EYA3: variants seen among roughly 807,000 people sequenced by gnomAD.
The protein encoded by EYA3 is protein phosphatase EYA3.
In EYA3, 39 loss-of-function variants were observed where a neutral mutation model predicts 80.0. The observed-to-expected ratio is 0.49, with a 90% CI of 0.38 to 0.64. The LOEUF (loss-of-function observed/expected upper bound fraction) is 0.64. Among genes scored for constraint, EYA3 ranks in the 30% least tolerant of loss-of-function variants. The pLI is 0.00. For missense variants in EYA3, 523 were observed against 676.1 expected, an observed-to-expected ratio of 0.77 and a Z score of 2.51; for synonymous variants, 206 against 232.8, an observed-to-expected ratio of 0.88 and a Z score of 1.05.
At position 27,988,506 on chromosome 1, in the gene EYA3, A is replaced by G. The variant is rs553092634; in HGVS notation, c.1540+29T>C. The G allele has an allele frequency of 1.5e-4, 240 of 1,606,098 alleles. 4 individuals are homozygous for G. The South Asian group carries it at 2.4e-3, about 16-fold the overall frequency. ...GAGTAGAAAGTTTTATTGCAAGGCC[A>G]GTGACAAGAAACAGCATAGAAACCA... On this transcript the variant is annotated intron_variant, in intron 16 of 17. Coordinates refer to ENST00000373871, the MANE Select transcript of EYA3 (RefSeq NM_001990.4).
intron 3 of EYA3, among the ~76,000 whole-genome samples, chr1:28,045,915 A>C (rs1337692383): frequency 6.6e-6 from 1 of 152,224 alleles, no homozygotes; most frequent in Non-Finnish European, 1.5e-5. Context: ...ACAGACATAC[A>C]ATGGAGTATT....
At chr1:28,070,368 T>C (rs1160565768) in intron 1 of EYA3, among the ~76,000 whole-genome samples, 3 of 152,048 alleles carry the variant, frequency 2.0e-5, no homozygotes, top group African/African-American at 7.2e-5. Context: ...GAGACCAGCC[T>C]GGCCAACATG....
chr1:27,982,103 C>A (rs1332252835), intron 16 of EYA3, among the ~76,000 whole-genome samples: 1 of 151,054 alleles, frequency 6.6e-6, no homozygotes, highest in African/African-American at 2.4e-5. Flanking sequence ...GCCTCCCAGG[C>A]GCAAGCAATT....
At chr1:28,073,109 A>C (rs1157846258) in intron 1 of EYA3, among the ~76,000 whole-genome samples, 548 of 43,774 alleles carry the variant, frequency 0.013, 73 homozygotes, top group African/African-American at 0.023. Flanking sequence ...ACTATTATAT[A>C]TATATATATA....
intron 2 of EYA3, among the ~76,000 whole-genome samples, chr1:28,051,958 T>TG (rs1404492406): frequency 1.6e-5 from 2 of 127,500 alleles, no homozygotes; most frequent in African/African-American, 3.4e-5. Flanking sequence ...AAAACAATCT[T>TG]GAAAAAAAAA....
intron 6 of EYA3, among the ~76,000 whole-genome samples, chr1:28,034,422 A>G (rs1389998951): frequency 1.3e-5 from 2 of 152,230 alleles, no homozygotes; most frequent in Non-Finnish European, 2.9e-5. Context: ...AGGTCCATTC[A>G]GTGTTGGCTG....
At chr1:28,019,796 G>T (rs1315335178) in intron 7 of EYA3, among the ~76,000 whole-genome samples, 1 of 152,002 alleles carries the variant, frequency 6.6e-6, no homozygotes, top group East Asian at 1.9e-4. Flanking sequence ...CCGCCTCCCG[G>T]GTTCAAGAAT....
chr1:28,043,711 G>C (rs1464142517), intron 3 of EYA3, among the ~76,000 whole-genome samples: 3 of 152,032 alleles, frequency 2.0e-5, no homozygotes, highest in Admixed American at 2.0e-4. Flanking sequence ...TGTGGTGCAC[G>C]CCTGTAGTCC....
intron 1 of EYA3, among the ~76,000 whole-genome samples, chr1:28,084,139 C>T (rs146238589): frequency 0.013 from 1,997 of 152,208 alleles, 22 homozygotes; most frequent in Non-Finnish European, 0.022. Context: ...CATTCCTTTT[C>T]TGATTCAAAA....
intron 12 of EYA3, among the ~76,000 whole-genome samples, chr1:27,997,804 A>G (rs1640561728): frequency 6.6e-6 from 1 of 152,162 alleles, no homozygotes; most frequent in Admixed American, 6.5e-5. Context: ...TGCCCAATAA[A>G]TTTTTATAGA....
chr1:28,055,054 A>AT (rs377380035), intron 2 of EYA3, among the ~76,000 whole-genome samples: 1 of 152,302 alleles, frequency 6.6e-6, no homozygotes, highest in African/African-American at 2.4e-5. Context: ...GCTATTATAT[A>AT]TTTTCTCTAA....
At chr1:27,998,791 CAG>C (rs1380145485) in intron 12 of EYA3, among the ~76,000 whole-genome samples, 1 of 151,896 alleles carries the variant, frequency 6.6e-6, no homozygotes, top group Non-Finnish European at 1.5e-5. Context: ...ATTTTAAAGA[CAG>C]AGTCTCTCTC....
At chr1:28,039,696 A>G (rs1439345922) in intron 4 of EYA3, among the ~76,000 whole-genome samples, 2 of 152,198 alleles carry the variant, frequency 1.3e-5, no homozygotes, top group African/African-American at 4.8e-5. Flanking sequence ...CTGACCCAAA[A>G]AGAGAACCTT....
intron 4 of EYA3, among the ~76,000 whole-genome samples, chr1:28,040,497 T>C (rs1162805522): frequency 1.3e-5 from 2 of 152,086 alleles, no homozygotes; most frequent in African/African-American, 4.8e-5. Flanking sequence ...ATGTACAAGA[T>C]ATTTAAAGTA....
chr1:28,061,496 GAC>G (rs762615378), intron 1 of EYA3, among the ~76,000 whole-genome samples: 25 of 151,666 alleles, frequency 1.6e-4, no homozygotes, highest in Non-Finnish European at 2.8e-4. Context: ...GTATAACTAA[GAC>G]ACAATATTGC....
chr1:27,979,422 T>C (rs1055315056), intron 16 of EYA3, among the ~76,000 whole-genome samples: 2 of 152,150 alleles, frequency 1.3e-5, no homozygotes, highest in Non-Finnish European at 2.9e-5. Flanking sequence ...TACCTTGTAG[T>C]TGTAACCAAG....
At chr1:28,010,850 T>G (rs1241175022) in intron 10 of EYA3, 97 bp downstream of exon 10, 11 of 1,389,676 alleles carry the variant, frequency 7.9e-6, no homozygotes, top group Non-Finnish European at 1.1e-5. Context: ...GCACATAACA[T>G]AGTGCACATT....
intron 13 of EYA3, among the ~76,000 whole-genome samples, chr1:27,995,931 G>A (rs1640420744): frequency 6.6e-6 from 1 of 152,118 alleles, no homozygotes; most frequent in Non-Finnish European, 1.5e-5. Flanking sequence ...GGAGTGCAGG[G>A]GCGTGATCTC....
At chr1:27,977,265 C>A in intron 17 of EYA3, 2 of 1,542,582 alleles carry the variant, frequency 1.3e-6, no homozygotes, top group Non-Finnish European at 1.7e-6. Flanking sequence ...GATAATAATG[C>A]CAACTGATTA....
Sources: gnomAD v4.1 joint callset for allele counts (sites outside exome capture counted in the v4.1 genomes callset) on GRCh38, gnomAD v4.1.1 for gene constraint, MANE v1.5 for transcripts, NCBI Gene and HGNC (gene_info 2026-07-23, HGNC 2026-07-21) for gene names.